Variants in KIF16B observed in about 807,000 individuals in gnomAD.
KIF16B encodes kinesin-like protein KIF16B.
KIF16B carries 98 observed loss-of-function variants against 156.3 expected under a neutral mutation model. That is an observed-to-expected ratio of 0.63 (90% CI 0.53 to 0.74). The LOEUF is 0.74. KIF16B is among the 30% of genes least tolerant of loss of function. The pLI, the probability that KIF16B is intolerant of heterozygous loss-of-function variation, is 0.00. For missense variants in KIF16B, 1,421 were observed against 1,606.5 expected (o/e 0.88, Z 1.97); for synonymous variants, 564 against 583.7 (o/e 0.97, Z 0.49).
At chr20:16,473,067 T>C (rs765184201) in intron 12 of KIF16B, among the ~76,000 whole-genome samples, 3 of 152,208 alleles carry the variant, frequency 2.0e-5, no homozygotes, top group Non-Finnish European at 2.9e-5. Context: ...AATGGTAACC[T>C]ACAAAGAATA....
intron 24 of KIF16B, among the ~76,000 whole-genome samples, chr20:16,323,785 A>G (rs2063804561): frequency 6.6e-6 from 1 of 151,920 alleles, no homozygotes; most frequent in Admixed American, 6.6e-5. Context: ...GCCAGTGATT[A>G]AAGTCAGAAT....
chr20:16,560,989 T>C (rs556574675), intron 1 of KIF16B, among the ~76,000 whole-genome samples: 1 of 151,890 alleles, frequency 6.6e-6, no homozygotes, highest in Non-Finnish European at 1.5e-5. Flanking sequence ...CATCTTTTTT[T>C]AAAAAAATAT....
chr20:16,473,437 G>C (rs2067720866), intron 12 of KIF16B, among the ~76,000 whole-genome samples: 1 of 152,092 alleles, frequency 6.6e-6, no homozygotes. Flanking sequence ...CTGAACTAAG[G>C]GACTGGAACT....
intron 15 of KIF16B, among the ~76,000 whole-genome samples, chr20:16,415,510 C>T (rs2066063723): frequency 6.6e-6 from 1 of 152,124 alleles, no homozygotes; most frequent in Non-Finnish European, 1.5e-5. Context: ...ACCTCTCAGC[C>T]CACATTACCC....
chr20:16,414,969 A>G (rs1446519880), intron 15 of KIF16B, among the ~76,000 whole-genome samples: 1 of 152,130 alleles, frequency 6.6e-6, no homozygotes, highest in East Asian at 1.9e-4. Flanking sequence ...TTCTGAGCAT[A>G]TTTAAGGTAG....
intron 18 of KIF16B, 32 bp from the exon 19 acceptor site, chr20:16,380,195 T>C: frequency 6.8e-7 from 1 of 1,461,824 alleles, no homozygotes; most frequent in Non-Finnish European, 9.0e-7. Flanking sequence ...GGTTGTTATC[T>C]GGTCATTGTT....
intron 12 of KIF16B, among the ~76,000 whole-genome samples, chr20:16,470,266 T>C (rs965823545): frequency 5.9e-5 from 9 of 152,150 alleles, no homozygotes; most frequent in African/African-American, 2.2e-4. Context: ...ATGGACTACA[T>C]CTTTATACAT....
chr20:16,429,787 A>C, intron 13 of KIF16B, 76 bp downstream of exon 13: 1 of 1,262,922 alleles, frequency 7.9e-7, no homozygotes, highest in Non-Finnish European at 1.1e-6. Context: ...ACCATAGAAT[A>C]TTATAATAAA....
chr20:16,315,249 T>C (rs545053183), intron 24 of KIF16B, among the ~76,000 whole-genome samples: 1 of 152,286 alleles, frequency 6.6e-6, no homozygotes, highest in Non-Finnish European at 1.5e-5. Flanking sequence ...ATGTGTAAAT[T>C]ATGTGCAACA....
At chr20:16,436,595 T>A (rs2066647278) in intron 12 of KIF16B, among the ~76,000 whole-genome samples, 1 of 152,206 alleles carries the variant, frequency 6.6e-6, no homozygotes, top group Admixed American at 6.5e-5. Context: ...TCTGGAATCA[T>A]CACTGATTCA....
chr20:16,505,677 C>T, intron 9 of KIF16B, 45 bp downstream of exon 9: 3 of 1,542,704 alleles, frequency 1.9e-6, no homozygotes, highest in Non-Finnish European at 2.7e-6. Flanking sequence ...ACAGTTAATT[C>T]ACAGAAAATA....
chr20:16,537,019 T>C (rs2069993694), intron 1 of KIF16B, among the ~76,000 whole-genome samples: 4 of 152,120 alleles, frequency 2.6e-5, no homozygotes. Flanking sequence ...CCCCACTTTG[T>C]AGGCCCTGTC....
intron 1 of KIF16B, among the ~76,000 whole-genome samples, chr20:16,539,330 C>T (rs561992426): frequency 6.6e-6 from 1 of 152,284 alleles, no homozygotes; most frequent in African/African-American, 2.4e-5. Flanking sequence ...CAGTGAGAGC[C>T]AGGCTGCTGA....
At chr20:16,355,026 GTTTT>G (rs60329513) in intron 23 of KIF16B, among the ~76,000 whole-genome samples, 1 of 147,174 alleles carries the variant, frequency 6.8e-6, no homozygotes. Context: ...CTGATGCCCT[GTTTT>G]TTTTTTTCTT....
rs148345633 is a variant in KIF16B, at chr20:16,475,519, C to T, written c.1302+18772G>A. On this transcript the variant is annotated intron_variant, in intron 12 of 25. Transcript: ENST00000354981. Reference sequence around the variant, plus strand: ...AACAAGGAAGGAGCTGGGAGAAATTCGATCTGAATATCTATGAAGATTCTT... The same window carrying T: ...AACAAGGAAGGAGCTGGGAGAAATTTGATCTGAATATCTATGAAGATTCTT... Among the ~76,000 whole-genome samples the T allele has an allele frequency of 1.4e-4, 22 of 152,304 alleles. No homozygotes were observed. The East Asian group carries it at 2.3e-3, about 16-fold the overall frequency.
chr20:16,449,259 A>G (rs6111135), intron 12 of KIF16B, among the ~76,000 whole-genome samples: 5,939 of 152,292 alleles, frequency 0.039, 408 homozygotes, highest in African/African-American at 0.14. Context: ...AAGGACGGAA[A>G]GACCTGCTGA....
At chr20:16,482,096 T>A (rs1384334459) in intron 12 of KIF16B, among the ~76,000 whole-genome samples, 1 of 152,166 alleles carries the variant, frequency 6.6e-6, no homozygotes. Flanking sequence ...TGTATAGTCA[T>A]CTTCCTCCTT....
chr20:16,546,702 A>T (rs1472204362), intron 1 of KIF16B, among the ~76,000 whole-genome samples: 1 of 152,208 alleles, frequency 6.6e-6, no homozygotes, highest in Admixed American at 6.5e-5. Context: ...ACATCAACTC[A>T]ATGCAGAGGC....
At chr20:16,547,328 G>A (rs2147266634) in intron 1 of KIF16B, among the ~76,000 whole-genome samples, 1 of 152,284 alleles carries the variant, frequency 6.6e-6, no homozygotes, top group Non-Finnish European at 1.5e-5. Flanking sequence ...TAATATCATG[G>A]CTCATGCCCT....
Sources: gnomAD v4.1 joint callset for allele counts (sites outside exome capture counted in the v4.1 genomes callset) on GRCh38, gnomAD v4.1.1 for gene constraint, MANE v1.5 for transcripts, NCBI Gene and HGNC (gene_info 2026-07-23, HGNC 2026-07-21) for gene names.